The following STOX2 variants were observed in gnomAD, a reference collection of about 807,000 sequenced individuals.
The protein encoded by STOX2 is storkhead-box protein 2.
Under a neutral mutation model 60.9 loss-of-function variants are expected in STOX2, and 28 were observed. That is an observed-to-expected ratio of 0.46 (90% CI 0.34 to 0.63). The LOEUF (loss-of-function observed/expected upper bound fraction) is 0.63, where lower values mean the gene tolerates loss of function less well. Ranked by LOEUF, STOX2 falls within the 30% of genes least tolerant of loss-of-function variation. The pLI is 0.01. For missense variants in STOX2, 1,024 were observed against 1,187.7 expected, an observed-to-expected ratio of 0.86 and a Z score of 2.03; for synonymous variants, 472 against 463.9, an observed-to-expected ratio of 1.02 and a Z score of -0.22.
At position 183,890,634 on chromosome 4, in the gene STOX2, C is replaced by CA. The variant is rs1349155835; in HGVS notation, c.364+92582dup. ...CAAGCAAATAAAATACTGAGCAACT[C>CA]AAACCTGTGAGCCAATGTCTGTGCA... On this transcript the variant is annotated intron_variant, in intron 1 of 2. Transcript: ENST00000513034. 3.3e-5 allele frequency among the ~76,000 whole-genome samples: 5 copies of CA among 150,840 alleles called. No individual in the cohort carries two copies. The East Asian group carries it at 9.7e-4, about 29-fold the overall frequency.
At chr4:183,923,165 T>C (rs1742149701) in intron 1 of STOX2, among the ~76,000 whole-genome samples, 1 of 152,240 alleles carries the variant, frequency 6.6e-6, no homozygotes, top group Non-Finnish European at 1.5e-5. Context: ...CTGGCTCACA[T>C]GGTAATTCTG....
Position 184,001,185 on chromosome 4 carries a change from A to G in STOX2, c.167-140A>G. The G allele has an allele frequency of 1.4e-6, 1 of 720,178 alleles. No individual in the cohort carries two copies. Among genetic ancestry groups the G allele is most frequent in the Non-Finnish European group, 2.3e-6 (1 of 441,076 alleles). 44.6% of individuals were successfully genotyped at this position (720,178 alleles called of 1,614,324 possible). A position where few individuals can be genotyped will look rare whatever the true frequency, so the allele number is the denominator to read the frequency against. On this transcript the variant is annotated intron_variant, in intron 1 of 3. Transcript: ENST00000308497. The surrounding 1 kb of genome is among the most constrained non-coding windows in gnomAD (Gnocchi z 4.2). Reference sequence around the variant, plus strand: ...AATTGGCTGTGGCTTCTGTGTTCAGAGTGGAATTGGCAAGCAGCTGCTATG... The same window carrying G: ...AATTGGCTGTGGCTTCTGTGTTCAGGGTGGAATTGGCAAGCAGCTGCTATG...
chr4:183,897,588 A>G (rs1167844546), intron 1 of STOX2, among the ~76,000 whole-genome samples: 1 of 152,198 alleles, frequency 6.6e-6, no homozygotes, highest in African/African-American at 2.4e-5. Context: ...AACTCTTTGG[A>G]TTTTGCTGAA....
At chr4:183,972,529 G>A (rs564659136) in intron 1 of STOX2, among the ~76,000 whole-genome samples, 4 of 152,272 alleles carry the variant, frequency 2.6e-5, no homozygotes, top group African/African-American at 9.6e-5. Context: ...GATCATACAG[G>A]TCCCAGGCTG....
chr4:183,799,396 G>T (rs1206708648), intron 1 of STOX2, among the ~76,000 whole-genome samples: 1 of 152,200 alleles, frequency 6.6e-6, no homozygotes, highest in Non-Finnish European at 1.5e-5. Context: ...CTTTTGCCCC[G>T]TAGGACTGTG....
At chr4:183,894,404 A>G (rs1741295508) in intron 1 of STOX2, among the ~76,000 whole-genome samples, 1 of 152,186 alleles carries the variant, frequency 6.6e-6, no homozygotes, top group Non-Finnish European at 1.5e-5. Flanking sequence ...AGCAGAAATT[A>G]TTAAATAATA....
chr4:183,999,059 C>CA (rs1176152282), intron 1 of STOX2, among the ~76,000 whole-genome samples: 1 of 151,458 alleles, frequency 6.6e-6, no homozygotes, highest in African/African-American at 2.4e-5. Context: ...AGCAAACAAA[C>CA]AAAAAAACAA....
At chr4:183,966,774 A>AT (rs1023407824) in intron 1 of STOX2, among the ~76,000 whole-genome samples, 1 of 152,188 alleles carries the variant, frequency 6.6e-6, no homozygotes, top group Non-Finnish European at 1.5e-5. Flanking sequence ...TATTTTAAGT[A>AT]TTTTTGGGAG....
In STOX2 at chr4:184,011,705, T is replaced by C. The variant is rs1421725849; in HGVS notation, c.2585+282T>C. Reference sequence around the variant, plus strand: ...TAAAACCAATATTTCCAGTATTTTTTCTGCTACGTTCATATTGCCACCCAT... The same window carrying C: ...TAAAACCAATATTTCCAGTATTTTTCCTGCTACGTTCATATTGCCACCCAT... On this transcript the variant is annotated intron_variant, in intron 3 of 3. Transcript: ENST00000308497. The surrounding 1 kb of genome is among the most constrained non-coding windows in gnomAD (Gnocchi z 4.4). The C allele has an allele frequency of 4.2e-6, 5 of 1,201,174 alleles. No individual in the cohort carries two copies. Among genetic ancestry groups the C allele is most frequent in the Non-Finnish European group, 4.4e-6 (4 of 914,506 alleles). The allele number at this position is 1,201,174 out of a possible 1,614,324, so 74.4% of individuals were successfully genotyped here.
At chr4:183,934,194 C>T (rs13137000) in intron 1 of STOX2, among the ~76,000 whole-genome samples, 134,416 of 152,032 alleles carry the variant, frequency 0.88, 60,021 homozygotes, top group Middle Eastern at 0.96. Flanking sequence ...TCCCAGCTAC[C>T]TGGGAGGCTG....
rs114938071 is a variant in STOX2 at position 183,922,725 on chromosome 4, G to A, written c.166+15769G>A. The stretch of plus-strand genomic sequence containing the variant: ...ACATTGTCATGAGGCCAACATCAGG[G>A]TGTATCCTGGGAACTGTTTTCATCT... On this transcript the variant is annotated intron_variant, in intron 1 of 3. Transcript: ENST00000308497. 2.4e-3 allele frequency among the ~76,000 whole-genome samples: 371 copies of A among 152,208 alleles called. 1 individual carries two copies. Among genetic ancestry groups the A allele is most frequent in the Non-Finnish European group, 4.2e-3 (287 of 68,010 alleles).
intron 1 of STOX2, among the ~76,000 whole-genome samples, chr4:183,918,432 C>G (rs761305266): frequency 6.6e-6 from 1 of 152,192 alleles, no homozygotes; most frequent in Non-Finnish European, 1.5e-5. Context: ...ACATAGCTTA[C>G]TCTGAGATAC....
chr4:183,872,954 C>T (rs139953242), intron 1 of STOX2, among the ~76,000 whole-genome samples: 24 of 152,200 alleles, frequency 1.6e-4, no homozygotes, highest in Non-Finnish European at 3.5e-4. Flanking sequence ...TAAGACAGAA[C>T]GTTTCAGAAA....
chr4:184,010,461 C>G lies in STOX2; in HGVS notation c.1623C>G (p.Leu541=), dbSNP rs756777921. ...TAAGGCCTGCACAGACCGTTAGTCT[C>G]CAAAGGGCTCACATTTCGTCCACAA... The part of the protein sequence containing the change: ...STLRPAQTVS[L]QRAHISSTSY... The change falls in exon 3 of 4, where the codon CTC becomes CTG. Residue 541 remains leucine (L), a synonymous_variant. Transcript: ENST00000308497. This position sits in a 1 kb window ranked among gnomAD's most constrained non-coding sequence, Gnocchi z 4.5. The G allele has an allele frequency of 6.2e-7, 1 of 1,613,894 alleles. No homozygotes were observed. The highest frequency in any genetic ancestry group is 8.5e-7 in the Non-Finnish European group (1 of 1,179,844).
In STOX2 at chr4:183,825,870, A is replaced by T. The variant is rs1739419526; in HGVS notation, c.364+27815A>T. On this transcript the variant is annotated intron_variant, in intron 1 of 2. Transcript: ENST00000513034. The surrounding 1 kb of genome is among the most constrained non-coding windows in gnomAD (Gnocchi z 4.1). ...GGGGAAGTTTAGTCTGGGAACGAGT[A>T]TGGCAGTCAGTTTGGCAAATGATGG... Among the ~76,000 whole-genome samples the T allele has an allele frequency of 6.6e-6, 1 of 152,166 alleles. No homozygotes were observed. The highest frequency in any genetic ancestry group is 1.5e-5 in the Non-Finnish European group (1 of 68,026).
intron 1 of STOX2, among the ~76,000 whole-genome samples, chr4:183,929,645 G>A (rs1742352481): frequency 1.3e-5 from 2 of 152,162 alleles, no homozygotes; most frequent in Non-Finnish European, 2.9e-5. Context: ...GGCTCTTGCA[G>A]GGGATTCATA....
chr4:183,925,681 G>C (rs1742220199), intron 1 of STOX2, among the ~76,000 whole-genome samples: 1 of 152,118 alleles, frequency 6.6e-6, no homozygotes, highest in Admixed American at 6.6e-5. Context: ...ATATAACTAG[G>C]ACTAGAATTG....
intron 1 of STOX2, among the ~76,000 whole-genome samples, chr4:183,862,699 A>T (rs892020047): frequency 1.3e-5 from 2 of 152,234 alleles, no homozygotes; most frequent in African/African-American, 4.8e-5. Flanking sequence ...TGAGGGCTCG[A>T]TACAGGCTTT....
intron 1 of STOX2, among the ~76,000 whole-genome samples, chr4:183,910,338 C>T (rs73870952): frequency 0.035 from 5,361 of 152,234 alleles, 131 homozygotes; most frequent in South Asian, 0.081. Context: ...GTATAATGAA[C>T]GCTTAGTACT....
Sources: gnomAD v4.1 joint callset for allele counts (sites outside exome capture counted in the v4.1 genomes callset) on GRCh38, gnomAD v4.1.1 for gene constraint, Gnocchi (gnomAD v3.1) non-coding constraint, MANE v1.5 for transcripts, NCBI Gene and HGNC (gene_info 2026-07-23, HGNC 2026-07-21) for gene names.